The following GALNT17 variants were observed in gnomAD, a reference collection of about 807,000 sequenced individuals.
GALNT17 encodes the protein UDP-GalNAc:polypeptide N-acetylgalactosaminyltransferase-like 3.
Under a neutral mutation model 63.7 loss-of-function variants are expected in GALNT17, and 29 were observed. The ratio of observed to expected loss-of-function variants is 0.46; its 90% CI spans 0.34 to 0.62. The LOEUF is 0.62. Among genes scored for constraint, GALNT17 ranks in the 20% least tolerant of loss-of-function variants. GALNT17 has a pLI of 0.01. For synonymous variants in GALNT17, 305 were observed against 318.3 expected (o/e 0.96, Z 0.45); for missense variants, 603 against 799.6 (o/e 0.75, Z 2.97).
At chr7:71,228,889 G>T (rs1014487765) in intron 1 of GALNT17, among the ~76,000 whole-genome samples, 1 of 152,060 alleles carries the variant, frequency 6.6e-6, no homozygotes, top group Non-Finnish European at 1.5e-5. Flanking sequence ...ATCTTTGGGT[G>T]GCAGTCGTTA....
At chr7:71,197,262 C>T (rs1470624994) in intron 1 of GALNT17, among the ~76,000 whole-genome samples, 3 of 139,220 alleles carry the variant, frequency 2.2e-5, no homozygotes, top group Admixed American at 7.6e-5. Context: ...TGCAGTGGCG[C>T]GATCTCCGCT....
chr7:71,408,450 G>T (rs73362085), intron 3 of GALNT17, among the ~76,000 whole-genome samples: 6,825 of 152,210 alleles, frequency 0.045, 550 homozygotes, highest in African/African-American at 0.16. Context: ...AATTGTGGCA[G>T]TAGTAGCAGT....
intron 1 of GALNT17, among the ~76,000 whole-genome samples, chr7:71,235,252 GAAA>G (rs751761194): frequency 2.9e-5 from 4 of 138,670 alleles, no homozygotes. Flanking sequence ...CTCCATCTCG[GAAA>G]AAAAAAAAAA....
At chr7:71,482,789 G>T (rs1787843803) in intron 5 of GALNT17, among the ~76,000 whole-genome samples, 1 of 152,094 alleles carries the variant, frequency 6.6e-6, no homozygotes, top group Admixed American at 6.6e-5. Context: ...AGGGTGGGGA[G>T]GTGTCAGGAT....
intron 1 of GALNT17, among the ~76,000 whole-genome samples, chr7:71,254,492 C>T (rs751436950): frequency 6.6e-6 from 1 of 152,144 alleles, no homozygotes; most frequent in Non-Finnish European, 1.5e-5. Flanking sequence ...CAGGGCCTCC[C>T]ATCTATCATG....
At chr7:71,260,112 T>C (rs1790359843) in intron 1 of GALNT17, among the ~76,000 whole-genome samples, 1 of 152,142 alleles carries the variant, frequency 6.6e-6, no homozygotes, top group African/African-American at 2.4e-5. Context: ...GGACTTGCAA[T>C]AGAAGTTGCA....
rs752590299 is a variant in GALNT17 at position 71,480,178 on chromosome 7, T to C, written c.962+59073T>C. ...GTCTTTTTTTTTTTTTTTTTTTTTT[T>C]TTTTTGAGACAGAGGCTCTCTCTGT... On this transcript the variant is annotated intron_variant, in intron 5 of 10. Coordinates refer to ENST00000333538, the MANE Select transcript of GALNT17 (RefSeq NM_022479.3). Among the ~76,000 whole-genome samples the C allele has an allele frequency of 8.2e-3, 1,162 of 140,978 alleles. 5 individuals carry two copies. The highest frequency in any genetic ancestry group is 0.013 in the Non-Finnish European group (855 of 65,226). 92.5% of individuals were successfully genotyped at this position (140,978 alleles called of 152,430 possible).
At chr7:71,258,411 C>T (rs1318710285) in intron 1 of GALNT17, among the ~76,000 whole-genome samples, 3 of 152,164 alleles carry the variant, frequency 2.0e-5, no homozygotes, top group South Asian at 2.1e-4. Flanking sequence ...CAGTTTCTTT[C>T]GTGAAGCCTT....
chr7:71,151,827 G>C (rs7777592), intron 1 of GALNT17, among the ~76,000 whole-genome samples: 2 of 151,788 alleles, frequency 1.3e-5, no homozygotes, highest in Non-Finnish European at 1.5e-5. Context: ...TACAGTTTCT[G>C]CTGAAAGGAA....
At position 71,693,580 on chromosome 7, in the gene GALNT17, A is replaced by G. The variant is rs1483936727; in HGVS notation, c.1500+16274A>G. Among the ~76,000 whole-genome samples, 4 of 150,998 alleles carry G rather than the reference A, an allele frequency of 2.6e-5. No individual in the cohort carries two copies. In the East Asian group the frequency reaches 7.9e-4, roughly 30 times the overall value. ...AAAACCAAATAACTTCTCTCTTATA[A>G]GTAGGATCTGAATTATGAGAACACG... is the stretch of plus-strand genomic sequence containing the variant. On this transcript the variant is annotated intron_variant, in intron 9 of 10. Coordinates refer to ENST00000333538, the MANE Select transcript of GALNT17 (RefSeq NM_022479.3).
chr7:71,166,066 T>TG (rs148147584), intron 1 of GALNT17, among the ~76,000 whole-genome samples: 16,053 of 152,250 alleles, frequency 0.11, 945 homozygotes, highest in Middle Eastern at 0.16. Flanking sequence ...CATGTCCTTC[T>TG]GAAGAGCTGT....
At chr7:71,640,431 G>A (rs908372937) in intron 6 of GALNT17, among the ~76,000 whole-genome samples, 3 of 152,038 alleles carry the variant, frequency 2.0e-5, no homozygotes, top group Non-Finnish European at 2.9e-5. Context: ...TGTAAACTTG[G>A]TCAGAAATAT....
chr7:71,445,567 A>G (rs1212326824), intron 5 of GALNT17, among the ~76,000 whole-genome samples: 1 of 152,068 alleles, frequency 6.6e-6, no homozygotes, highest in Admixed American at 6.5e-5. Flanking sequence ...GGGGTCTGTC[A>G]GGAGCTGGTT....
At chr7:71,466,529 G>T (rs1054760559) in intron 5 of GALNT17, among the ~76,000 whole-genome samples, 60 of 152,170 alleles carry the variant, frequency 3.9e-4, no homozygotes, top group African/African-American at 1.2e-3. Context: ...GCTGTTTCTT[G>T]TGGGGGAAAT....
chr7:71,611,167 A>G (rs1790119617), intron 6 of GALNT17, among the ~76,000 whole-genome samples: 1 of 151,946 alleles, frequency 6.6e-6, no homozygotes, highest in South Asian at 2.1e-4. Context: ...CCCCGAGACC[A>G]TTATTCCTCC....
At chr7:71,462,165 G>C (rs977207280) in intron 5 of GALNT17, among the ~76,000 whole-genome samples, 2 of 152,134 alleles carry the variant, frequency 1.3e-5, no homozygotes, top group African/African-American at 4.8e-5. Context: ...GGGGCACTGT[G>C]GGGTGCAGTG....
intron 1 of GALNT17, among the ~76,000 whole-genome samples, chr7:71,217,108 C>T (rs1483334213): frequency 6.7e-6 from 1 of 148,254 alleles, no homozygotes; most frequent in East Asian, 2.0e-4. Flanking sequence ...GGACTATGGG[C>T]GTATGCCACC....
At chr7:71,140,065 G>A (rs951731975) in intron 1 of GALNT17, among the ~76,000 whole-genome samples, 5 of 152,156 alleles carry the variant, frequency 3.3e-5, no homozygotes, top group Non-Finnish European at 4.4e-5. Flanking sequence ...AAGCATCTCC[G>A]TTCATTAATG....
At chr7:71,312,635 T>C (rs7811093) in intron 1 of GALNT17, among the ~76,000 whole-genome samples, 68,422 of 151,910 alleles carry the variant, frequency 0.45, 16,203 homozygotes, top group African/African-American at 0.59. Context: ...TCTCACTCCC[T>C]CTTCACACAG....
Sources: gnomAD v4.1 joint callset for allele counts (sites outside exome capture counted in the v4.1 genomes callset) on GRCh38, gnomAD v4.1.1 for gene constraint, MANE v1.5 for transcripts, NCBI Gene and HGNC (gene_info 2026-07-23, HGNC 2026-07-21) for gene names.